Variants in ZNF804A observed in about 807,000 individuals in gnomAD.
The protein encoded by ZNF804A is zinc finger protein 804A.
In ZNF804A, 2 loss-of-function variants were observed where a neutral mutation model predicts 16.5. The ratio of observed to expected loss-of-function variants is 0.12; its 90% confidence interval spans 0.05 to 0.38. The LOEUF is 0.38. Ranked by LOEUF, ZNF804A falls within the 10% of genes least tolerant of loss-of-function variation. The pLI, the probability that ZNF804A is intolerant of heterozygous loss-of-function variation, is 0.99. For synonymous variants in ZNF804A, 534 were observed against 489.6 expected (o/e 1.09, Z -1.20); for missense variants, 1,473 against 1,390.7 (o/e 1.06, Z -0.94).
At chr2:184,712,503 A>C (rs1284675760) in intron 1 of ZNF804A, among the ~76,000 whole-genome samples, 1 of 151,686 alleles carries the variant, frequency 6.6e-6, no homozygotes, top group African/African-American at 2.4e-5. Context: ...GTCTTGGTGT[A>C]AGTTAAACTT....
In ZNF804A at chr2:184,747,030, A is replaced by G. The variant is rs556682468; in HGVS notation, c.112-119339A>G. Among the ~76,000 whole-genome samples the G allele has an allele frequency of 4.6e-5, 7 of 151,468 alleles. No homozygotes were observed. In the East Asian group the frequency reaches 1.2e-3, roughly 25 times the overall value. ...ATCCAAATCCCTCTTGCAGAGTCAC[A>G]TAGAAATATATTCTCTTACAGCCTT... On this transcript the variant is annotated intron_variant, in intron 1 of 3. Coordinates refer to ENST00000302277, the MANE Select transcript of ZNF804A (RefSeq NM_194250.2).
chr2:184,651,049 G>A lies in ZNF804A; in HGVS notation c.111+51979G>A, dbSNP rs34729409. On this transcript the variant is annotated intron_variant, in intron 1 of 3. Coordinates refer to ENST00000302277, the MANE Select transcript of ZNF804A (RefSeq NM_194250.2). ...TACCCAACTTCAAATTATACTATAAGGCTATTATTATAGCCAAAACAGCAT... is the reference window on the plus strand; with the variant it reads ...TACCCAACTTCAAATTATACTATAAAGCTATTATTATAGCCAAAACAGCAT... Among the ~76,000 whole-genome samples, 169 of 151,996 alleles carry A rather than the reference G, an allele frequency of 1.1e-3. 2 individuals carry two copies. Among genetic ancestry groups the A allele is most frequent in the Admixed American group, 3.9e-3 (59 of 15,250 alleles).
intron 2 of ZNF804A, among the ~76,000 whole-genome samples, chr2:184,891,330 C>G (rs1024865285): frequency 2.0e-5 from 3 of 152,118 alleles, no homozygotes; most frequent in South Asian, 2.1e-4. Flanking sequence ...GGTTTTACTC[C>G]TGGCATCTGA....
intron 1 of ZNF804A, among the ~76,000 whole-genome samples, chr2:184,632,100 A>G (rs772477627): frequency 5.3e-5 from 8 of 152,134 alleles, no homozygotes; most frequent in Non-Finnish European, 8.8e-5. Context: ...GATGTTGGGA[A>G]CTGGGTACCT....
At chr2:184,645,045 C>G (rs1374677491) in intron 1 of ZNF804A, among the ~76,000 whole-genome samples, 3 of 151,996 alleles carry the variant, frequency 2.0e-5, no homozygotes, top group Admixed American at 6.5e-5. Flanking sequence ...AATTCCTAGA[C>G]ACTTTTGATT....
At chr2:184,631,684 G>C (rs80243100) in intron 1 of ZNF804A, among the ~76,000 whole-genome samples, 4 of 152,138 alleles carry the variant, frequency 2.6e-5, no homozygotes, top group African/African-American at 9.7e-5. Flanking sequence ...TTAATGAAAT[G>C]AAATTTGGTA....
intron 1 of ZNF804A, among the ~76,000 whole-genome samples, chr2:184,628,917 C>G (rs1036729893): frequency 1.3e-5 from 2 of 152,050 alleles, no homozygotes; most frequent in Non-Finnish European, 2.9e-5. Flanking sequence ...ACATTTTTTA[C>G]ACACTTATAT....
intron 3 of ZNF804A, among the ~76,000 whole-genome samples, chr2:184,935,104 G>T (rs1265393666): frequency 6.6e-6 from 1 of 152,122 alleles, no homozygotes; most frequent in Non-Finnish European, 1.5e-5. Flanking sequence ...TCACTACAGT[G>T]TAATGTAATT....
intron 1 of ZNF804A, among the ~76,000 whole-genome samples, chr2:184,794,589 A>C (rs2105780107): frequency 6.6e-6 from 1 of 152,206 alleles, no homozygotes; most frequent in South Asian, 2.1e-4. Context: ...ACTTTTTTAA[A>C]GAAAGACAAA....
intron 1 of ZNF804A, among the ~76,000 whole-genome samples, chr2:184,853,856 T>C (rs923471474): frequency 4.1e-5 from 5 of 123,434 alleles, no homozygotes; most frequent in Non-Finnish European, 6.7e-5. Flanking sequence ...GATAGTAACC[T>C]TAATTTTGTT....
chr2:184,771,892 A>C (rs937021708), intron 1 of ZNF804A, among the ~76,000 whole-genome samples: 1 of 152,014 alleles, frequency 6.6e-6, no homozygotes, highest in African/African-American at 2.4e-5. Flanking sequence ...GATATAACAT[A>C]ATGTAATTAT....
intron 1 of ZNF804A, among the ~76,000 whole-genome samples, chr2:184,640,588 A>T (rs911879375): frequency 3.9e-5 from 6 of 152,190 alleles, no homozygotes. Flanking sequence ...ATAGATACTA[A>T]CATTATTAAC....
Position 184,937,176 on chromosome 2 carries a change from A to G in ZNF804A, c.1780A>G (p.Arg594Gly). The change falls in exon 4 of 4, where the codon AGA becomes GGA. Residue 594 changes from arginine to glycine, a missense_variant. By Grantham distance (125) the Arg-to-Gly change is moderately radical. Transcript: ENST00000302277. ...CCATGAATACTGGTTCCATAAAAGT[A>G]GAAGAAAGAAAAAAAGAAAAAAGTT... ...ETHEYWFHKS[R>G]RKKKRKKLCQ... 6.3e-7 allele frequency: 1 copy of G among 1,597,760 alleles called. No individual in the cohort carries two copies. Among genetic ancestry groups the G allele is most frequent in the Non-Finnish European group, 8.5e-7 (1 of 1,176,270 alleles).
intron 1 of ZNF804A, among the ~76,000 whole-genome samples, chr2:184,711,889 G>A (rs1693134831): frequency 6.6e-6 from 1 of 151,630 alleles, no homozygotes; most frequent in Non-Finnish European, 1.5e-5. Flanking sequence ...TAGCATTGTA[G>A]TGTATTTTGA....
At chr2:184,602,643 G>A (rs1014553044) in intron 1 of ZNF804A, among the ~76,000 whole-genome samples, 3 of 151,870 alleles carry the variant, frequency 2.0e-5, no homozygotes, top group African/African-American at 7.2e-5. Context: ...ACTTTAATAT[G>A]TAATTTGGGA....
chr2:184,738,721 C>T (rs1165371718), intron 1 of ZNF804A, among the ~76,000 whole-genome samples: 1 of 152,098 alleles, frequency 6.6e-6, no homozygotes, highest in Non-Finnish European at 1.5e-5. Context: ...TTCTAAGATA[C>T]TAATGTAATT....
At chr2:184,889,835 A>G (rs1393092976) in intron 2 of ZNF804A, among the ~76,000 whole-genome samples, 1 of 152,148 alleles carries the variant, frequency 6.6e-6, no homozygotes, top group East Asian at 1.9e-4. Context: ...CTATTGAAAC[A>G]TATATCTTAA....
chr2:184,660,555 A>G (rs1692156188), intron 1 of ZNF804A, among the ~76,000 whole-genome samples: 1 of 152,232 alleles, frequency 6.6e-6, no homozygotes, highest in South Asian at 2.1e-4. Context: ...TAATGAAAGG[A>G]CTGAGTCCTG....
intron 2 of ZNF804A, among the ~76,000 whole-genome samples, chr2:184,868,833 A>G (rs544557053): frequency 1.3e-5 from 2 of 152,064 alleles, no homozygotes; most frequent in Admixed American, 6.6e-5. Flanking sequence ...AATAAAACTA[A>G]AACTCCAGCC....
Sources: allele counts gnomAD v4.1 joint callset (sites outside exome capture counted in the v4.1 genomes callset), GRCh38; gene constraint gnomAD v4.1.1; transcripts MANE v1.5; gene names NCBI Gene and HGNC (gene_info 2026-07-23, HGNC 2026-07-21).